SLC24A3: variants seen among roughly 807,000 people sequenced by gnomAD.
SLC24A3 encodes solute carrier family 24 member 3, also known as sodium/potassium/calcium exchanger 3.
Under a neutral mutation model 75.8 loss-of-function variants are expected in SLC24A3, and 28 were observed. That is an observed-to-expected ratio of 0.37 (90% confidence interval 0.27 to 0.51). The LOEUF (loss-of-function observed/expected upper bound fraction) is 0.51, where lower values mean the gene tolerates loss of function less well. Among genes scored for constraint, SLC24A3 ranks in the 20% least tolerant of loss-of-function variants. SLC24A3 has a pLI of 0.94. For missense variants in SLC24A3, 663 were observed against 847.8 expected, an observed-to-expected ratio of 0.78 and a Z score of 2.71; for synonymous variants, 372 against 334.1, an observed-to-expected ratio of 1.11 and a Z score of -1.24.
In SLC24A3 at chr20:19,304,409, C is replaced by T. The variant is rs74524396; in HGVS notation, c.271+23322C>T. On this transcript the variant is annotated intron_variant, in intron 2 of 16. Coordinates refer to ENST00000328041, the MANE Select transcript of SLC24A3 (RefSeq NM_020689.4). ...TGCCTCATTGCCGGAACAAATTTAC[C>T]AGAAAACCTGAGCCTGGGAGTCCCT... Among the ~76,000 whole-genome samples, 450 of 152,236 alleles carry T rather than the reference C, an allele frequency of 3.0e-3. 2 individuals are homozygous for T. Among genetic ancestry groups the T allele is most frequent in the African/African-American group, 0.01 (417 of 41,542 alleles).
intron 12 of SLC24A3, among the ~76,000 whole-genome samples, chr20:19,685,914 C>T (rs2122743704): frequency 6.6e-6 from 1 of 152,284 alleles, no homozygotes; most frequent in South Asian, 2.1e-4. Context: ...TGTCCAGACA[C>T]AATGATCTGG....
At chr20:19,313,378 G>A (rs915785147) in intron 2 of SLC24A3, among the ~76,000 whole-genome samples, 2 of 152,086 alleles carry the variant, frequency 1.3e-5, no homozygotes, top group Non-Finnish European at 2.9e-5. Context: ...CAAGGGAGAC[G>A]AAATGAAGCA....
intron 2 of SLC24A3, among the ~76,000 whole-genome samples, chr20:19,340,512 G>A (rs183382658): frequency 3.3e-5 from 5 of 152,266 alleles, no homozygotes; most frequent in Admixed American, 2.0e-4. Flanking sequence ...CCTAGCAAAC[G>A]AATACAGATG....
rs142013054 is a variant in SLC24A3, at chr20:19,491,350, A to G, written c.272-24138A>G. Among the ~76,000 whole-genome samples, 56 of 152,280 alleles carry G rather than the reference A, an allele frequency of 3.7e-4. 1 individual carries two copies. The highest frequency in any genetic ancestry group is 6.8e-4 in the Non-Finnish European group (46 of 68,022). The stretch of plus-strand genomic sequence containing the variant: ...TGTCTAGTCTGTAACTAACCTCTTC[A>G]AAGATGGTTCTTTCGACATGCTTGG... On this transcript the variant is annotated intron_variant, in intron 2 of 16. Coordinates refer to ENST00000328041, the MANE Select transcript of SLC24A3 (RefSeq NM_020689.4).
rs1983830670 is a variant in SLC24A3 at position 19,286,864 on chromosome 20, G to GT, written c.271+5780dup. Among the ~76,000 whole-genome samples, 4 of 152,210 alleles carry GT rather than the reference G, an allele frequency of 2.6e-5. No individual in the cohort carries two copies. In the South Asian group the frequency reaches 8.3e-4, roughly 32 times the overall value. On this transcript the variant is annotated intron_variant, in intron 2 of 16. Transcript: ENST00000328041. ...ATTAGGTTAATGTGGTTATTGCTGGGTTTGAACCCAAGAAAGAACTAAATT... is the reference window on the plus strand; with the variant it reads ...ATTAGGTTAATGTGGTTATTGCTGGGTTTTGAACCCAAGAAAGAACTAAATT...
intron 2 of SLC24A3, among the ~76,000 whole-genome samples, chr20:19,294,673 A>G (rs562178153): frequency 4.6e-5 from 7 of 152,190 alleles, no homozygotes; most frequent in Non-Finnish European, 4.4e-5. Context: ...CATTTTCTTT[A>G]TCTAGCCTGT....
intron 2 of SLC24A3, among the ~76,000 whole-genome samples, chr20:19,441,962 G>C (rs917499393): frequency 2.0e-5 from 3 of 152,060 alleles, no homozygotes; most frequent in African/African-American, 7.2e-5. Flanking sequence ...ACAGTATGCA[G>C]CTTTTCAGAT....
chr20:19,622,021 G>A (rs1053004510), intron 6 of SLC24A3, among the ~76,000 whole-genome samples: 2 of 152,190 alleles, frequency 1.3e-5, no homozygotes, highest in African/African-American at 4.8e-5. Context: ...GGGAGGTGAT[G>A]GGTTCTGAGG....
chr20:19,405,004 C>T (rs1384550021), intron 2 of SLC24A3, among the ~76,000 whole-genome samples: 6 of 152,126 alleles, frequency 3.9e-5, no homozygotes, highest in African/African-American at 1.4e-4. Flanking sequence ...ATCCCAAAGT[C>T]ATCCTTCCCT....
intron 3 of SLC24A3, among the ~76,000 whole-genome samples, chr20:19,531,108 T>C (rs1478827735): frequency 1.3e-5 from 2 of 150,862 alleles, no homozygotes; most frequent in African/African-American, 5.0e-5. Flanking sequence ...CCTGTCCACA[T>C]GCATCAGGAT....
intron 1 of SLC24A3, among the ~76,000 whole-genome samples, chr20:19,249,567 T>A (rs1316331523): frequency 6.6e-6 from 1 of 152,240 alleles, no homozygotes; most frequent in African/African-American, 2.4e-5. Flanking sequence ...ATTTCATTTC[T>A]TTGCTTCACT....
chr20:19,384,342 C>T (rs367998211), intron 2 of SLC24A3, among the ~76,000 whole-genome samples: 17 of 152,146 alleles, frequency 1.1e-4, no homozygotes, highest in East Asian at 3.8e-4. Context: ...TCTCCTTTGC[C>T]TCCTAGCTCC....
intron 1 of SLC24A3, among the ~76,000 whole-genome samples, chr20:19,260,051 AG>A (rs1450908309): frequency 6.6e-6 from 1 of 152,196 alleles, no homozygotes; most frequent in Non-Finnish European, 1.5e-5. Context: ...GGGATCTGGA[AG>A]GTGGATACCA....
At chr20:19,698,176 A>G (rs979299235) in intron 14 of SLC24A3, among the ~76,000 whole-genome samples, 2 of 152,202 alleles carry the variant, frequency 1.3e-5, no homozygotes, top group Admixed American at 1.3e-4. Flanking sequence ...CAAAGCCGGT[A>G]CCAATGGGGG....
chr20:19,213,308 G>T (rs1981459567), intron 1 of SLC24A3: 1 of 173,024 alleles, frequency 5.8e-6, no homozygotes, highest in East Asian at 1.4e-4. Context: ...CTCTCCATCA[G>T]CCCCCAAGGC....
chr20:19,248,125 A>AC (rs1555783713), intron 1 of SLC24A3, among the ~76,000 whole-genome samples: 4 of 152,214 alleles, frequency 2.6e-5, no homozygotes, highest in African/African-American at 7.2e-5. Flanking sequence ...AAAAATAGAA[A>AC]AAAACAAAAC....
At chr20:19,323,205 C>CAAAAAAA (rs1172583632) in intron 2 of SLC24A3, among the ~76,000 whole-genome samples, 3 of 61,082 alleles carry the variant, frequency 4.9e-5, no homozygotes, top group Admixed American at 1.8e-4. Context: ...GACTCCGTCT[C>CAAAAAAA]AAAAAAAAAA....
chr20:19,335,828 A>C (rs957489756), intron 2 of SLC24A3, among the ~76,000 whole-genome samples: 9 of 152,212 alleles, frequency 5.9e-5, no homozygotes, highest in African/African-American at 2.2e-4. Flanking sequence ...AAAATGGGTA[A>C]TGATGATGTA....
At chr20:19,658,262 A>G (rs2032287404) in intron 7 of SLC24A3, among the ~76,000 whole-genome samples, 1 of 149,674 alleles carries the variant, frequency 6.7e-6, no homozygotes, top group African/African-American at 2.4e-5. Flanking sequence ...CCGAGGGTTC[A>G]GAGGAGGGTC....
Sources: allele counts gnomAD v4.1 joint callset (sites outside exome capture counted in the v4.1 genomes callset), GRCh38; gene constraint gnomAD v4.1.1; transcripts MANE v1.5; gene names NCBI Gene and HGNC (gene_info 2026-07-23, HGNC 2026-07-21).